LYPLA1: variants seen among roughly 807,000 people sequenced by gnomAD.
The protein encoded by LYPLA1 is lysophospholipase 1.
A neutral mutation model predicts 34.0 loss-of-function variants in LYPLA1; 17 were observed. That is an observed-to-expected ratio of 0.50 (90% CI 0.34 to 0.75). The LOEUF is 0.75. Among genes scored for constraint, LYPLA1 ranks in the 30% least tolerant of loss-of-function variants. The pLI is 0.01. For missense variants in LYPLA1, 203 were observed against 288.8 expected, an observed-to-expected ratio of 0.70 and a Z score of 2.15; for synonymous variants, 98 against 100.8, an observed-to-expected ratio of 0.97 and a Z score of 0.17.
chr8:54,087,540 T>C (rs1808895409), intron 2 of LYPLA1, among the ~76,000 whole-genome samples: 1 of 152,206 alleles, frequency 6.6e-6, no homozygotes, highest in Non-Finnish European at 1.5e-5. Flanking sequence ...GATGAAAAAC[T>C]GTTGTGCTGC....
At chr8:54,084,124 G>GAAAAAAAAAAAAAAAAAAAAA (rs201545035) in intron 2 of LYPLA1, among the ~76,000 whole-genome samples, 2 of 56,372 alleles carry the variant, frequency 3.5e-5, no homozygotes, top group African/African-American at 1.8e-4. Flanking sequence ...GGAGACCAAA[G>GAAAAAAAAAAAAAAAAAAAAA]AAAAAAAAAA....
Position 54,101,779 on chromosome 8 carries a change from G to A in LYPLA1, c.45C>T (p.Pro15=), listed in dbSNP as rs140308224. The A allele has an allele frequency of 7.7e-6, 10 of 1,297,350 alleles. No individual in the cohort carries two copies. In the African/African-American group the frequency reaches 1.5e-4, roughly 20 times the overall value. The allele number at this position is 1,297,350 out of a possible 1,614,324, so 80.4% of individuals were successfully genotyped here. ...NMSTPLPAIV[P]AARKATAAVI... ...CCGCAGCGGTGGCCTTCCGGGCGGC[G>A]GGCACGATGGCGGGCAGCGGGGTTG... Residue 15 remains proline (P), a synonymous_variant, in exon 1 of 9, where the codon CCC becomes CCT. Coordinates refer to ENST00000316963, the MANE Select transcript of LYPLA1 (RefSeq NM_006330.4).
chr8:54,094,488 A>T (rs1293587533), intron 2 of LYPLA1, among the ~76,000 whole-genome samples: 1 of 152,254 alleles, frequency 6.6e-6, no homozygotes, highest in Non-Finnish European at 1.5e-5. Context: ...GGAGAAGGCT[A>T]TAATAAACCC....
rs767244826 is a variant in LYPLA1, at chr8:54,063,300, C to CTTA, written c.215+25_215+27dup. ...AACATTAAATAAGTAATATAATGTTCTTATTCAATAAGTAAATTCTTACTT... is the reference window on the plus strand; with the variant it reads ...AACATTAAATAAGTAATATAATGTTCTTATTATTCAATAAGTAAATTCTTACTT... On this transcript the variant is annotated intron_variant, in intron 4 of 8. Coordinates refer to ENST00000316963, the MANE Select transcript of LYPLA1 (RefSeq NM_006330.4). 6 of 1,359,266 alleles carry CTTA rather than the reference C, an allele frequency of 4.4e-6. No individual in the cohort carries two copies. In the South Asian group the frequency reaches 8.4e-5, roughly 19 times the overall value. 84.2% of individuals were successfully genotyped at this position (1,359,266 alleles called of 1,614,324 possible). A position where few individuals can be genotyped will look rare whatever the true frequency, so the allele number is the denominator to read the frequency against.
intron 2 of LYPLA1, 73 bp from the exon 3 acceptor site, chr8:54,065,886 G>T: frequency 1.0e-6 from 1 of 958,764 alleles, no homozygotes; most frequent in Non-Finnish European, 1.7e-6. Flanking sequence ...CAGAAGAGTA[G>T]CTTTAAAAAA....
At chr8:54,067,739 A>G (rs767999181) in intron 2 of LYPLA1, among the ~76,000 whole-genome samples, 136 of 141,202 alleles carry the variant, frequency 9.6e-4, no homozygotes, top group Non-Finnish European at 1.5e-3. Context: ...TCTGTTGCCC[A>G]GGCTGGAGTG....
At chr8:54,058,714 G>A (rs1382825929) in intron 5 of LYPLA1, among the ~76,000 whole-genome samples, 1 of 151,606 alleles carries the variant, frequency 6.6e-6, no homozygotes, top group Non-Finnish European at 1.5e-5. Context: ...CAGCTGAGGG[G>A]GCCACAGACA....
intron 2 of LYPLA1, among the ~76,000 whole-genome samples, chr8:54,071,053 C>A (rs1170367407): frequency 6.6e-6 from 1 of 152,098 alleles, no homozygotes; most frequent in Non-Finnish European, 1.5e-5. Context: ...ACGAAGAATG[C>A]ATGACTGGAC....
chr8:54,094,311 G>A (rs1256333710), intron 2 of LYPLA1, among the ~76,000 whole-genome samples: 1 of 152,132 alleles, frequency 6.6e-6, no homozygotes, highest in Non-Finnish European at 1.5e-5. Flanking sequence ...CCCCTTAATT[G>A]GAACTGAGCT....
chr8:54,086,696 C>T (rs984354188), intron 2 of LYPLA1, among the ~76,000 whole-genome samples: 7 of 151,952 alleles, frequency 4.6e-5, no homozygotes, highest in Admixed American at 3.9e-4. Flanking sequence ...GACCCCATCT[C>T]CACAAAAAAT....
intron 5 of LYPLA1, among the ~76,000 whole-genome samples, chr8:54,060,854 G>A (rs1288734657): frequency 2.6e-5 from 4 of 151,020 alleles, no homozygotes; most frequent in Non-Finnish European, 5.9e-5. Flanking sequence ...CACCACGCCT[G>A]GCTAATTTTT....
At chr8:54,081,219 A>G (rs1808293668) in intron 2 of LYPLA1, among the ~76,000 whole-genome samples, 2 of 152,156 alleles carry the variant, frequency 1.3e-5, no homozygotes, top group Admixed American at 1.3e-4. Context: ...AATTTTGACT[A>G]TTTGTGGCTC....
intron 2 of LYPLA1, among the ~76,000 whole-genome samples, chr8:54,085,675 G>A (rs550694395): frequency 2.2e-3 from 330 of 150,758 alleles, no homozygotes; most frequent in African/African-American, 7.3e-3. Context: ...CCGTCACCCC[G>A]TCCGGGAGGT....
intron 2 of LYPLA1, among the ~76,000 whole-genome samples, chr8:54,097,665 G>A (rs1809791797): frequency 1.3e-5 from 2 of 152,166 alleles, no homozygotes. Flanking sequence ...ACAGTCAACT[G>A]TGGTTCGAAA....
At chr8:54,101,612 C>G in intron 1 of LYPLA1, 143 bp downstream of exon 1, 1 of 1,145,208 alleles carries the variant, frequency 8.7e-7, no homozygotes, top group Non-Finnish European at 1.1e-6. Flanking sequence ...CCCGGCCGCG[C>G]GGACCATTCG....
At chr8:54,051,230 G>A in intron 7 of LYPLA1, 42 bp from the exon 8 acceptor site, 1 of 1,489,208 alleles carries the variant, frequency 6.7e-7, no homozygotes, top group African/African-American at 1.4e-5. Context: ...TTTTGTAAAA[G>A]TATAGGACAC....
intron 2 of LYPLA1, among the ~76,000 whole-genome samples, chr8:54,079,087 C>G (rs994725657): frequency 6.6e-6 from 1 of 152,082 alleles, no homozygotes; most frequent in Non-Finnish European, 1.5e-5. Context: ...AAGCAATTCT[C>G]GTGCCTTAGC....
downstream of LYPLA1, among the ~76,000 whole-genome samples, chr8:54,045,204 C>A (rs1212612688): frequency 6.6e-6 from 1 of 152,150 alleles, no homozygotes; most frequent in Non-Finnish European, 1.5e-5. Flanking sequence ...TAGTGCCCAG[C>A]ATATATTAAA....
At chr8:54,052,931 G>A (rs1805947725) in intron 6 of LYPLA1, 175 bp from the exon 7 acceptor site, 1 of 555,132 alleles carries the variant, frequency 1.8e-6, no homozygotes, top group African/African-American at 1.9e-5. Context: ...AAAGGATGCG[G>A]TTCTCTACAC....
Sources: allele counts gnomAD v4.1 joint callset (sites outside exome capture counted in the v4.1 genomes callset), GRCh38; gene constraint gnomAD v4.1.1; transcripts MANE v1.5; gene names NCBI Gene and HGNC (gene_info 2026-07-23, HGNC 2026-07-21).